Variants in MTCL1 observed in about 807,000 individuals in gnomAD.
MTCL1 encodes the protein microtubule cross-linking factor 1.
MTCL1 carries 79 observed loss-of-function variants against 141.4 expected under a neutral mutation model. That is an observed-to-expected ratio of 0.56 (90% CI 0.47 to 0.67). The LOEUF (loss-of-function observed/expected upper bound fraction) is 0.67. Ranked by LOEUF, MTCL1 falls within the 30% of genes least tolerant of loss-of-function variation. MTCL1 has a pLI of 0.00. For missense variants in MTCL1, 2,177 were observed against 2,113.9 expected (o/e 1.03, Z -0.59); for synonymous variants, 914 against 875.8 (o/e 1.04, Z -0.77).
At chr18:8,770,930 G>T (rs2096482943) in intron 4 of MTCL1, among the ~76,000 whole-genome samples, 1 of 151,960 alleles carries the variant, frequency 6.6e-6, no homozygotes, top group African/African-American at 2.4e-5. Context: ...ACTATTAAAG[G>T]GATAGGTGAA....
chr18:8,737,895 G>C (rs1443227160), intron 4 of MTCL1, among the ~76,000 whole-genome samples: 1 of 152,206 alleles, frequency 6.6e-6, no homozygotes, highest in Non-Finnish European at 1.5e-5. Flanking sequence ...ATGGGGCCAT[G>C]TGAGCATGAT....
At chr18:8,787,941 C>T (rs2075575690) in intron 7 of MTCL1, among the ~76,000 whole-genome samples, 2 of 152,302 alleles carry the variant, frequency 1.3e-5, no homozygotes, top group South Asian at 4.1e-4. Flanking sequence ...GTGTGAATGT[C>T]ACTCTGACAG....
At chr18:8,720,056 G>GT (rs1205933008) in intron 3 of MTCL1, 2 of 312,210 alleles carry the variant, frequency 6.4e-6, no homozygotes, top group African/African-American at 4.3e-5. Flanking sequence ...AAATTTAGCA[G>GT]TTTGGGGGGG....
At position 8,830,496 on chromosome 18, in the gene MTCL1, G is replaced by A. The variant is rs1254555497; in HGVS notation, c.*19-1111G>A. 5 of 985,942 alleles carry A rather than the reference G, an allele frequency of 5.1e-6. No homozygotes were observed. The East Asian group carries it at 4.5e-4, about 89-fold the overall frequency. The allele number at this position is 985,942 out of a possible 1,614,324, so 61.1% of individuals were successfully genotyped here. On this transcript the variant is annotated intron_variant, in intron 16 of 16. Coordinates refer to ENST00000359865, the Ensembl canonical transcript of MTCL1. The surrounding 1 kb of genome is among the most constrained non-coding windows in gnomAD (Gnocchi z 6.4). The stretch of plus-strand genomic sequence containing the variant: ...GTTCCATCTTCTCCCGAGTGACACT[G>A]CCCATTCCGTGCAGCCGTCTGTCCT...
chr18:8,725,549 A>G (rs998754478), intron 4 of MTCL1, among the ~76,000 whole-genome samples: 2 of 152,070 alleles, frequency 1.3e-5, no homozygotes, highest in African/African-American at 4.8e-5. Flanking sequence ...TTTGGGGTAC[A>G]CTCTGTTATT....
At chr18:8,772,658 A>G (rs1390342517) in intron 4 of MTCL1, among the ~76,000 whole-genome samples, 4 of 151,112 alleles carry the variant, frequency 2.6e-5, no homozygotes, top group Admixed American at 6.6e-5. Context: ...CATACATGTT[A>G]TGTATATAAC....
rs770562541 is a variant in MTCL1, at chr18:8,785,021, G to GTT, written c.1731+191_1731+192dup. Among the ~76,000 whole-genome samples the GTT allele has an allele frequency of 1.7e-3, 215 of 130,252 alleles. 1 individual carries two copies. Among genetic ancestry groups the GTT allele is most frequent in the Non-Finnish European group, 1.6e-3 (95 of 58,270 alleles). The allele number at this position is 130,252 out of a possible 152,430, so 85.5% of individuals were successfully genotyped here. Reference sequence around the variant, plus strand: ...CTCTTGGTTGGGCTCCGTTTTTTTTGTTTTTTTTTTTTTTAAGTTCTCTTG... The same window carrying GTT: ...CTCTTGGTTGGGCTCCGTTTTTTTTGTTTTTTTTTTTTTTTTAAGTTCTCTTG... On this transcript the variant is annotated intron_variant, in intron 6 of 16. Transcript: ENST00000359865.
chr18:8,796,158 A>G (rs1280349371), intron 8 of MTCL1, 74 bp from the exon 8 acceptor site: 1 of 1,465,842 alleles, frequency 6.8e-7, no homozygotes, highest in Non-Finnish European at 9.5e-7. Flanking sequence ...GGCAGTTTGC[A>G]GGGACTCTTG....
intron 4 of MTCL1, among the ~76,000 whole-genome samples, chr18:8,754,402 A>G (rs553131945): frequency 6.6e-6 from 1 of 152,344 alleles, no homozygotes; most frequent in South Asian, 2.1e-4. Context: ...CATCTATAAA[A>G]TAACCCCATG....
rs767643200 is a variant in MTCL1 at position 8,720,289 on chromosome 18, C to G, written c.199-49C>G. On this transcript the variant is annotated intron_variant, in intron 3 of 16. Transcript: ENST00000359865. ...TGATGTTGTCTGATAGTACCCTTAG[C>G]ACACAAAAAGCCTCATATCCTGATA... is the stretch of plus-strand genomic sequence containing the variant. 14 of 1,596,330 alleles carry G rather than the reference C, an allele frequency of 8.8e-6. No individual in the cohort carries two copies. In the Admixed American group the frequency reaches 1.9e-4, roughly 21 times the overall value.
rs373191793 is a variant in MTCL1 at position 8,789,615 on chromosome 18, A to G, written c.1888-3383A>G. 5.6e-5 allele frequency: 55 copies of G among 985,326 alleles called. 2 individuals are homozygous for G. The East Asian group carries it at 1.2e-3, about 22-fold the overall frequency. 61.0% of individuals were successfully genotyped at this position (985,326 alleles called of 1,614,324 possible). A position where few individuals can be genotyped will look rare whatever the true frequency, so the allele number is the denominator to read the frequency against. ...CGTGGGGAGAATGGTTACAATTGTCAAGACTAGTGTCTCAGCAGCCTCGGA... is the reference window on the plus strand; with the variant it reads ...CGTGGGGAGAATGGTTACAATTGTCGAGACTAGTGTCTCAGCAGCCTCGGA... On this transcript the variant is annotated intron_variant, in intron 7 of 16. Coordinates refer to ENST00000359865, the Ensembl canonical transcript of MTCL1.
At chr18:8,783,579 C>G in exon 6 of MTCL1, 2 of 1,612,426 alleles carry the variant, frequency 1.2e-6, no homozygotes, top group South Asian at 1.1e-5. Context: ...AAAGAGGAAG[C>G]CTTCCTGATG....
intron 7 of MTCL1, chr18:8,786,752 T>C (rs888304140): frequency 1.8e-5 from 4 of 219,958 alleles, no homozygotes; most frequent in African/African-American, 8.9e-5. Flanking sequence ...AGCTGTTGAA[T>C]GAGGAAGCAC....
chr18:8,799,217 C>T (rs1365877899), intron 10 of MTCL1, among the ~76,000 whole-genome samples: 3 of 152,184 alleles, frequency 2.0e-5, no homozygotes, highest in African/African-American at 4.8e-5. Context: ...CCCAGGCTCC[C>T]GAAGCCCAGA....
chr18:8,779,371 C>T lies in MTCL1; in HGVS notation c.417+1479C>T, dbSNP rs1028435168. Among the ~76,000 whole-genome samples the T allele has an allele frequency of 1.3e-5, 2 of 152,192 alleles. No individual in the cohort carries two copies. The highest frequency in any genetic ancestry group is 4.8e-5 in the African/African-American group (2 of 41,432). Reference sequence around the variant, plus strand: ...GGGGCTATCCAATGATCTCTCGAAACCAGAAATGATATGCTTCAGTTTAGA... The same window carrying T: ...GGGGCTATCCAATGATCTCTCGAAATCAGAAATGATATGCTTCAGTTTAGA... On this transcript the variant is annotated intron_variant, in intron 5 of 16. Coordinates refer to ENST00000359865, the Ensembl canonical transcript of MTCL1. This position sits in a 1 kb window ranked among gnomAD's most constrained non-coding sequence, Gnocchi z 4.1.
Position 8,830,143 on chromosome 18 carries a change from A to G in MTCL1, c.*18+1179A>G. ...TTTCCCAAACCGTGTGTCCCAGTCA[A>G]GCACTGTGGGCTGCAGTGAGATGAG... On this transcript the variant is annotated intron_variant, in intron 16 of 16. Coordinates refer to ENST00000359865, the Ensembl canonical transcript of MTCL1. This position sits in a 1 kb window ranked among gnomAD's most constrained non-coding sequence, Gnocchi z 6.4. The G allele has an allele frequency of 1.0e-6, 1 of 985,522 alleles. No homozygotes were observed. The highest frequency in any genetic ancestry group is 1.2e-6 in the Non-Finnish European group (1 of 830,014). 61.0% of individuals were successfully genotyped at this position (985,522 alleles called of 1,614,324 possible). A position where few individuals can be genotyped will look rare whatever the true frequency, so the allele number is the denominator to read the frequency against.
At chr18:8,719,916 A>T (rs2096157092) in intron 3 of MTCL1, 1 of 159,588 alleles carries the variant, frequency 6.3e-6, no homozygotes, top group Non-Finnish European at 1.4e-5. Context: ...TTATTTGTTT[A>T]TTATTATTCG....
intron 4 of MTCL1, among the ~76,000 whole-genome samples, chr18:8,770,762 A>G (rs1162945854): frequency 6.6e-6 from 1 of 152,086 alleles, no homozygotes; most frequent in Non-Finnish European, 1.5e-5. Context: ...CTGTGCTCTT[A>G]ACAAGGCCAA....
At chr18:8,753,311 C>T (rs776962519) in intron 4 of MTCL1, among the ~76,000 whole-genome samples, 1 of 152,192 alleles carries the variant, frequency 6.6e-6, no homozygotes, top group Non-Finnish European at 1.5e-5. Flanking sequence ...AAATGGGAGA[C>T]ACTTATTGTT....
Sources: gnomAD v4.1 joint callset for allele counts (sites outside exome capture counted in the v4.1 genomes callset) on GRCh38, gnomAD v4.1.1 for gene constraint, Gnocchi (gnomAD v3.1) non-coding constraint, MANE v1.5 for transcripts, NCBI Gene and HGNC (gene_info 2026-07-23, HGNC 2026-07-21) for gene names.